The following PCCA variants were observed in gnomAD, a reference collection of about 807,000 sequenced individuals.
The protein encoded by PCCA is propionyl-CoA carboxylase alpha chain, mitochondrial.
In PCCA, 74 loss-of-function variants were observed where a neutral mutation model predicts 101.3. The ratio of observed to expected loss-of-function variants is 0.73; its 90% CI spans 0.61 to 0.89. The LOEUF is 0.89. Ranked by LOEUF, PCCA falls within the 40% of genes least tolerant of loss-of-function variation. PCCA has a pLI of 0.00. For synonymous variants in PCCA, 294 were observed against 313.6 expected (o/e 0.94, Z 0.66); for missense variants, 891 against 907.0 (o/e 0.98, Z 0.23).
At chr13:100,400,627 G>GTTTTTTTTTTTTTTTTTTTTTTTTTT (rs763331038) in intron 19 of PCCA, among the ~76,000 whole-genome samples, 2 of 80,248 alleles carry the variant, frequency 2.5e-5, no homozygotes, top group African/African-American at 1.3e-4. Context: ...GTTCTTTTTA[G>GTTTTTTTTTTTTTTTTTTTTTTTTTT]TTCTTTTTTT....
chr13:100,488,639 T>G (rs895760494), intron 21 of PCCA, among the ~76,000 whole-genome samples: 3 of 65,534 alleles, frequency 4.6e-5, no homozygotes, highest in Admixed American at 2.0e-4. Flanking sequence ...TTTTGTTTTT[T>G]TTTTGTTTTT....
chr13:100,499,446 G>C (rs1444009953), intron 21 of PCCA, among the ~76,000 whole-genome samples: 1 of 152,202 alleles, frequency 6.6e-6, no homozygotes, highest in Non-Finnish European at 1.5e-5. Flanking sequence ...ATTTTCTTCT[G>C]GTCCAGGCCT....
At chr13:100,195,467 A>G (rs2058051361) in intron 6 of PCCA, among the ~76,000 whole-genome samples, 1 of 152,202 alleles carries the variant, frequency 6.6e-6, no homozygotes, top group Non-Finnish European at 1.5e-5. Flanking sequence ...TTAGCGTTCT[A>G]ATATTAAAGC....
At chr13:100,411,996 G>A (rs1396093171) in intron 19 of PCCA, among the ~76,000 whole-genome samples, 2 of 152,168 alleles carry the variant, frequency 1.3e-5, no homozygotes, top group Admixed American at 6.5e-5. Context: ...ACACCAAAGA[G>A]ACATGAAAAC....
intron 19 of PCCA, among the ~76,000 whole-genome samples, chr13:100,402,607 G>A (rs893972043): frequency 6.6e-6 from 1 of 152,150 alleles, no homozygotes; most frequent in African/African-American, 2.4e-5. Flanking sequence ...GATTAATACA[G>A]TAATGATTGT....
chr13:100,390,560 C>A (rs1219748544), intron 19 of PCCA, among the ~76,000 whole-genome samples: 1 of 151,928 alleles, frequency 6.6e-6, no homozygotes, highest in Middle Eastern at 3.2e-3. Flanking sequence ...AAAGGATGGG[C>A]AGAGGAAGAA....
At chr13:100,509,043 C>CT (rs1481000661) in intron 21 of PCCA, among the ~76,000 whole-genome samples, 2 of 152,208 alleles carry the variant, frequency 1.3e-5, no homozygotes, top group Non-Finnish European at 2.9e-5. Context: ...CAGCTCTGGA[C>CT]TTTCCCCTCC....
chr13:100,305,799 A>T (rs752545886), intron 14 of PCCA: 1 of 446,674 alleles, frequency 2.2e-6, no homozygotes, highest in Admixed American at 2.6e-5. Context: ...ATGTCCTGAA[A>T]TATGTTTTCA....
intron 6 of PCCA, among the ~76,000 whole-genome samples, chr13:100,189,227 T>TA (rs2152444754): frequency 6.6e-6 from 1 of 152,330 alleles, no homozygotes; most frequent in African/African-American, 2.4e-5. Flanking sequence ...TCGTCTTTCT[T>TA]ATGGTTGCAT....
intron 12 of PCCA, among the ~76,000 whole-genome samples, chr13:100,296,715 G>A (rs1036007330): frequency 2.6e-5 from 4 of 152,042 alleles, no homozygotes; most frequent in Admixed American, 2.6e-4. Context: ...TAAGTTGCAG[G>A]CCTAGTGGCC....
intron 7 of PCCA, among the ~76,000 whole-genome samples, chr13:100,228,146 G>T (rs2060257143): frequency 6.6e-6 from 1 of 152,084 alleles, no homozygotes; most frequent in Admixed American, 6.6e-5. Flanking sequence ...CCCCGGAGTA[G>T]CTGGGATTAA....
chr13:100,143,537 CAA>C (rs1308856198), intron 4 of PCCA, among the ~76,000 whole-genome samples: 1 of 60,368 alleles, frequency 1.7e-5, no homozygotes. Context: ...TCTGCATCCA[CAA>C]AAAAAAAAAA....
chr13:100,478,251 T>G (rs538925485), intron 21 of PCCA, among the ~76,000 whole-genome samples: 8 of 152,212 alleles, frequency 5.3e-5, no homozygotes, highest in Non-Finnish European at 1.2e-4. Flanking sequence ...TTGAATCCTC[T>G]GAGGAGCGGT....
chr13:100,242,798 AATAGT>A (rs968465696), intron 8 of PCCA, among the ~76,000 whole-genome samples: 4 of 152,222 alleles, frequency 2.6e-5, no homozygotes, highest in African/African-American at 9.6e-5. Flanking sequence ...CTTTTCTTAA[AATAGT>A]ATAGGATTCT....
At chr13:100,508,800 C>T (rs2086260565) in intron 21 of PCCA, among the ~76,000 whole-genome samples, 1 of 152,092 alleles carries the variant, frequency 6.6e-6, no homozygotes, top group African/African-American at 2.4e-5. Context: ...ATTTGTGTTG[C>T]CTTAATGCTT....
At chr13:100,362,173 C>A (rs1269227803) in intron 18 of PCCA, among the ~76,000 whole-genome samples, 1 of 152,046 alleles carries the variant, frequency 6.6e-6, no homozygotes, top group Non-Finnish European at 1.5e-5. Context: ...AAGCTCAGAA[C>A]AGGCAAGCAT....
At chr13:100,407,705 T>G (rs1445311442) in intron 19 of PCCA, among the ~76,000 whole-genome samples, 3 of 152,246 alleles carry the variant, frequency 2.0e-5, no homozygotes, top group African/African-American at 7.2e-5. Context: ...AAAACTGTCC[T>G]TTAACCTAGA....
chr13:100,209,433 T>C lies in PCCA; in HGVS notation c.570T>C (p.Asn190=), dbSNP rs747026505. Residue 190 remains asparagine, a synonymous_variant, in exon 7 of 24, where the codon AAT becomes AAC. Transcript: ENST00000376285. The part of the protein sequence containing the change: ...SKLLAKKAEV[N]TIPGFDGVVK... ...TATTAGCTAAGAAAGCAGAGGTTAA[T>C]ACAATCCCTGGCTTTGATGGAGTAG... 48 of 1,613,398 alleles carry C rather than the reference T, an allele frequency of 3.0e-5. No homozygotes were observed. The highest frequency in any genetic ancestry group is 4.0e-5 in the Non-Finnish European group (47 of 1,179,460).
intron 4 of PCCA, among the ~76,000 whole-genome samples, chr13:100,144,796 TG>T (rs1234981711): frequency 6.6e-6 from 1 of 151,748 alleles, no homozygotes; most frequent in East Asian, 1.9e-4. Flanking sequence ...TGATGGAAAA[TG>T]GTAAAGAGTA....
Sources: allele counts gnomAD v4.1 joint callset (sites outside exome capture counted in the v4.1 genomes callset), GRCh38; gene constraint gnomAD v4.1.1; transcripts MANE v1.5; gene names NCBI Gene and HGNC (gene_info 2026-07-23, HGNC 2026-07-21).